Variants in ECPAS observed in about 807,000 individuals in gnomAD.
ECPAS encodes proteasome adapter and scaffold protein ECM29.
Under a neutral mutation model 255.1 loss-of-function variants are expected in ECPAS, and 70 were observed. That is an observed-to-expected ratio of 0.27 (90% CI 0.23 to 0.33). The LOEUF (loss-of-function observed/expected upper bound fraction) is 0.33, where lower values mean the gene tolerates loss of function less well. Ranked by LOEUF, ECPAS falls within the 10% of genes least tolerant of loss-of-function variation. The pLI is 1.00. For synonymous variants in ECPAS, 784 were observed against 775.0 expected, an observed-to-expected ratio of 1.01 and a Z score of -0.19; for missense variants, 1,817 against 2,206.4, an observed-to-expected ratio of 0.82 and a Z score of 3.54.
chr9:111,417,680 A>G (rs573811392), intron 17 of ECPAS, among the ~76,000 whole-genome samples: 1 of 152,084 alleles, frequency 6.6e-6, no homozygotes, highest in African/African-American at 2.4e-5. Context: ...CAGGTAGTGG[A>G]GTTTGCAGTG....
chr9:111,380,553 T>A (rs1205570490), intron 35 of ECPAS, among the ~76,000 whole-genome samples: 1 of 152,206 alleles, frequency 6.6e-6, no homozygotes, highest in African/African-American at 2.4e-5. Flanking sequence ...AGTCACCAGC[T>A]GCATTGGCCC....
Position 111,413,978 on chromosome 9 carries a change from C to T in ECPAS, c.1996G>A (p.Val666Ile), listed in dbSNP as rs747365199. The change falls in exon 20 of 50, where the codon GTT becomes ATT. Residue 666 changes from valine to isoleucine, a missense_variant. This residue lies in a region of ECPAS where 573 missense variants were observed against 716.2 expected (regional missense o/e 0.80). Coordinates refer to ENST00000684092, the MANE Select transcript of ECPAS (RefSeq NM_001364929.1). ...QLLAGVGGLP[V>I]MYCLLEAVSV... ...ACAGCTTCCAATAGACAGTACATAA[C>T]CGGCAAACCTAAATAAGAATTCAGA... The T allele has an allele frequency of 6.3e-7, 1 of 1,575,634 alleles. No individual in the cohort carries two copies. The highest frequency in any genetic ancestry group is 1.2e-5 in the South Asian group (1 of 85,024).
chr9:111,411,401 C>T (rs10121348), intron 21 of ECPAS, among the ~76,000 whole-genome samples: 43,082 of 152,138 alleles, frequency 0.28, 7,574 homozygotes, highest in Non-Finnish European at 0.4. Context: ...ATGCCCACTC[C>T]AATTCCGGGT....
At chr9:111,382,457 G>C (rs918140743) in intron 35 of ECPAS, among the ~76,000 whole-genome samples, 1 of 151,542 alleles carries the variant, frequency 6.6e-6, no homozygotes. Context: ...TAGTAGAGAT[G>C]GGGTTTCTCC....
Position 111,425,557 on chromosome 9 carries a change from G to A in ECPAS, c.1137-61C>T, listed in dbSNP as rs543382576. 28 of 1,209,520 alleles carry A rather than the reference G, an allele frequency of 2.3e-5. No individual in the cohort carries two copies. In the Middle Eastern group the frequency reaches 1.4e-3, roughly 59 times the overall value. The allele number at this position is 1,209,520 out of a possible 1,614,324, so 74.9% of individuals were successfully genotyped here. On this transcript the variant is annotated intron_variant, in intron 11 of 49. Coordinates refer to ENST00000684092, the MANE Select transcript of ECPAS (RefSeq NM_001364929.1). ...GAATCTCATGACTACATATCTTTACGGATGATTACATAAAATAATGAGAGA... is the reference window on the plus strand; with the variant it reads ...GAATCTCATGACTACATATCTTTACAGATGATTACATAAAATAATGAGAGA...
chr9:111,452,352 TATAGAG>T (rs1379288992), intron 2 of ECPAS, among the ~76,000 whole-genome samples: 1 of 152,206 alleles, frequency 6.6e-6, no homozygotes, highest in Admixed American at 6.5e-5. Context: ...TCTGCGTGAT[TATAGAG>T]ATAAATACAT....
At chr9:111,465,129 ACT>A (rs1338223992) in intron 2 of ECPAS, among the ~76,000 whole-genome samples, 2 of 152,152 alleles carry the variant, frequency 1.3e-5, no homozygotes, top group Non-Finnish European at 2.9e-5. Flanking sequence ...CAAGAGCAAA[ACT>A]CTGTCTCAAA....
intron 18 of ECPAS, 131 bp downstream of exon 18, chr9:111,416,141 C>A: frequency 1.7e-6 from 1 of 593,746 alleles, no homozygotes; most frequent in Non-Finnish European, 3.0e-6. Flanking sequence ...AATAAACAAC[C>A]CGATGAAGAA....
chr9:111,383,768 A>G (rs925734739), intron 34 of ECPAS, among the ~76,000 whole-genome samples: 11 of 152,054 alleles, frequency 7.2e-5, no homozygotes, highest in African/African-American at 2.7e-4. Context: ...AAAAAGTATG[A>G]AAAATTAGCC....
chr9:111,458,508 T>C (rs989495935), intron 2 of ECPAS, among the ~76,000 whole-genome samples: 9 of 152,228 alleles, frequency 5.9e-5, no homozygotes, highest in Admixed American at 1.3e-4. Flanking sequence ...AAGTAACTCA[T>C]AGTGGGCCCC....
At chr9:111,362,735 C>G (rs1229586249) in intron 49 of ECPAS, among the ~76,000 whole-genome samples, 5 of 152,162 alleles carry the variant, frequency 3.3e-5, no homozygotes, top group Admixed American at 3.3e-4. Context: ...AATGTGGCTT[C>G]AGGCAAGTTT....
rs964124704 is a variant in ECPAS at position 111,361,689 on chromosome 9, T to G, written c.*341A>C. On this transcript the variant is annotated 3_prime_UTR_variant, in exon 50 of 50. Transcript: ENST00000684092. Reference sequence around the variant, plus strand: ...CCCTTCCTGAAATAACTAATTTGAATGCAGTTCTAAGATTTTTATCCAGCT... The same window carrying G: ...CCCTTCCTGAAATAACTAATTTGAAGGCAGTTCTAAGATTTTTATCCAGCT... 6.0e-6 allele frequency: 1 copy of G among 165,358 alleles called. No homozygotes were observed. The highest frequency in any genetic ancestry group is 2.4e-5 in the African/African-American group (1 of 41,952). The allele number at this position is 165,358 out of a possible 1,614,324, so 10.2% of individuals were successfully genotyped here.
At chr9:111,473,375 G>A (rs1261566203) in intron 1 of ECPAS, among the ~76,000 whole-genome samples, 1 of 152,128 alleles carries the variant, frequency 6.6e-6, no homozygotes, top group East Asian at 1.9e-4. Context: ...TATAAGAAGT[G>A]TTACTAAACA....
chr9:111,373,336 A>G lies in ECPAS; in HGVS notation c.4248T>C (p.Phe1416=). 1 of 1,613,894 alleles carries G rather than the reference A, an allele frequency of 6.2e-7. No homozygotes were observed. The highest frequency in any genetic ancestry group is 8.5e-7 in the Non-Finnish European group (1 of 1,179,816). Reference sequence around the variant, plus strand: ...TCACCCGAACTAAATGGCCCATAGCAAATGCACAAGATTTCTGAATCACAC... The same window carrying G: ...TCACCCGAACTAAATGGCCCATAGCGAATGCACAAGATTTCTGAATCACAC... The part of the protein sequence containing the change: ...RNSVIQKSCA[F]AMGHLVRTSR... The change falls in exon 40 of 50, where the codon TTT becomes TTC. Residue 1416 remains phenylalanine (F), a synonymous_variant. Coordinates refer to ENST00000684092, the MANE Select transcript of ECPAS (RefSeq NM_001364929.1).
At chr9:111,432,118 T>C (rs543109385) in intron 8 of ECPAS, among the ~76,000 whole-genome samples, 1 of 152,244 alleles carries the variant, frequency 6.6e-6, no homozygotes, top group Non-Finnish European at 1.5e-5. Flanking sequence ...TGTTTTCATA[T>C]TTTAACAATG....
chr9:111,375,131 A>G lies in ECPAS; in HGVS notation c.4092T>C (p.Gly1364=). 1 of 1,613,426 alleles carries G rather than the reference A, an allele frequency of 6.2e-7. No individual in the cohort carries two copies. Among genetic ancestry groups the G allele is most frequent in the Admixed American group, 1.7e-5 (1 of 59,998 alleles). ...CACTTACCTTAGTTCCAAGACCTAC[A>G]CCACTTCTGATCAGTTCACACAACC... is the stretch of plus-strand genomic sequence containing the variant. ...VPRLCELIRS[G]VGLGTKGGCA... Residue 1364 remains glycine, a synonymous_variant, in exon 38 of 50, where the codon GGT becomes GGC. Coordinates refer to ENST00000684092, the MANE Select transcript of ECPAS (RefSeq NM_001364929.1).
intron 13 of ECPAS, 35 bp downstream of exon 13, chr9:111,423,164 A>G (rs752429724): frequency 1.4e-6 from 2 of 1,453,076 alleles, no homozygotes; most frequent in Non-Finnish European, 1.9e-6. Flanking sequence ...CTGTTTACCA[A>G]CACCATATCT....
intron 1 of ECPAS, chr9:111,483,557 G>A: frequency 1.0e-6 from 1 of 960,716 alleles, no homozygotes; most frequent in Non-Finnish European, 1.2e-6. Flanking sequence ...GCGCCGGGGA[G>A]GGAACGAGGG....
chr9:111,386,513 C>G lies in ECPAS; in HGVS notation c.3448-57G>C, dbSNP rs141043349. 8.1e-4 allele frequency: 829 copies of G among 1,018,202 alleles called. 3 individuals are homozygous for G. The African/African-American group carries it at 0.012, about 15-fold the overall frequency. 63.1% of individuals were successfully genotyped at this position (1,018,202 alleles called of 1,614,324 possible). On this transcript the variant is annotated intron_variant, in intron 31 of 49. Coordinates refer to ENST00000684092, the MANE Select transcript of ECPAS (RefSeq NM_001364929.1). ...GCAAAATCCATCAATAATCAAATTA[C>G]TCAACTCTTAACCACACTGGTTAAC...
Sources: gnomAD v4.1 joint callset for allele counts (sites outside exome capture counted in the v4.1 genomes callset) on GRCh38, gnomAD v4.1.1 for gene constraint, gnomAD v4.1.1 regional missense constraint, MANE v1.5 for transcripts, NCBI Gene and HGNC (gene_info 2026-07-23, HGNC 2026-07-21) for gene names.